Variants in ETNK2 observed in about 807,000 individuals in gnomAD.
The protein encoded by ETNK2 is ethanolamine kinase 2, also known as ethanolamine kinase-like protein.
ETNK2 carries 33 observed loss-of-function variants against 46.2 expected under a neutral mutation model. That is an observed-to-expected ratio of 0.71 (90% CI 0.54 to 0.96). ETNK2 has a LOEUF of 0.96. ETNK2 is among the 40% of genes least tolerant of loss of function. ETNK2 has a pLI of 0.00. For synonymous variants in ETNK2, 194 were observed against 209.0 expected, an observed-to-expected ratio of 0.93 and a Z score of 0.62; for missense variants, 445 against 509.7, an observed-to-expected ratio of 0.87 and a Z score of 1.22.
rs1260705242 is a variant in ETNK2 at position 204,146,629 on chromosome 1, C to CA, written c.641+12dup. ...ATATTAAGGCAGCCTTGGACCCTCC[C>CA]AGATCTTTGTACCTGGGGTTGATCT... On this transcript the variant is annotated intron_variant, in intron 3 of 7. Transcript: ENST00000367202. 6.2e-7 allele frequency: 1 copy of CA among 1,613,888 alleles called. No individual in the cohort carries two copies. Among genetic ancestry groups the CA allele is most frequent in the Non-Finnish European group, 8.5e-7 (1 of 1,179,828 alleles).
intron 6 of ETNK2, 44 bp from the exon 7 acceptor site, chr1:204,134,632 C>G: frequency 2.5e-6 from 4 of 1,613,996 alleles, no homozygotes; most frequent in Non-Finnish European, 3.4e-6. Flanking sequence ...TCTCCCCATG[C>G]CTGTTTCCGA....
chr1:204,141,098 T>TTATA, intron 4 of ETNK2: 2 of 668,554 alleles, frequency 3.0e-6, no homozygotes, highest in South Asian at 3.2e-5. Flanking sequence ...ACTGCTGGGA[T>TTATA]TATAGGCATG....
Position 204,151,915 on chromosome 1 carries a change from A to G in ETNK2, c.-63T>C, listed in dbSNP as rs1658025649. ...CTAGCCCCGGCGGGGGGGTCCGGCG[A>G]GGGAGTGGGAGTGGTAGAGGAGGGG... On this transcript the variant is annotated 5_prime_UTR_variant, in exon 1 of 8. Coordinates refer to ENST00000367202, the MANE Select transcript of ETNK2 (RefSeq NM_018208.4). The surrounding 1 kb of genome is among the most constrained non-coding windows in gnomAD (Gnocchi z 8.0). The G allele has an allele frequency of 4.3e-6, 6 of 1,397,672 alleles. No homozygotes were observed. Among genetic ancestry groups the G allele is most frequent in the Middle Eastern group, 2.3e-4 (1 of 4,298 alleles). The allele number at this position is 1,397,672 out of a possible 1,614,324, so 86.6% of individuals were successfully genotyped here.
At chr1:204,146,414 T>C (rs1657782301) in intron 3 of ETNK2, among the ~76,000 whole-genome samples, 1 of 152,100 alleles carries the variant, frequency 6.6e-6, no homozygotes, top group Non-Finnish European at 1.5e-5. Context: ...GAAGGAGAAA[T>C]GAGCACATGG....
chr1:204,143,537 C>G (rs1028156294), intron 3 of ETNK2, among the ~76,000 whole-genome samples: 1 of 152,100 alleles, frequency 6.6e-6, no homozygotes, highest in Non-Finnish European at 1.5e-5. Context: ...GCTGTGGGAT[C>G]GGCAGAAGAG....
In ETNK2 at chr1:204,149,719, C is replaced by T; in HGVS notation, c.502G>A (p.Glu168Lys). 1 of 1,592,480 alleles carries T rather than the reference C, an allele frequency of 6.3e-7. No individual in the cohort carries two copies. Among genetic ancestry groups the T allele is most frequent in the Admixed American group, 1.7e-5 (1 of 57,166 alleles). ...CCTCCTCACCTGAAAAGCCGGGGCT[C>T]ACGGATGTGCTCAGGCTCCAGGGCC... is the stretch of plus-strand genomic sequence containing the variant. ...GVALEPEHIR[E>K]PRLFRLIALE... is the part of the protein sequence containing the mutation. The change falls in exon 2 of 8, where the codon GAG (glutamate) becomes AAG (lysine). Residue 168 changes from glutamate to lysine, a missense_variant. By Grantham distance (56) the Glu-to-Lys change is moderately conservative (BLOSUM62 1). Coordinates refer to ENST00000367202, the MANE Select transcript of ETNK2 (RefSeq NM_018208.4).
chr1:204,141,079 G>A, intron 4 of ETNK2: 2 of 608,612 alleles, frequency 3.3e-6, no homozygotes, highest in Non-Finnish European at 6.1e-6. Context: ...ACATGCCTTG[G>A]CCTCCCAAAC....
At position 204,151,659 on chromosome 1, in the gene ETNK2, G is replaced by A. The variant is rs1413166062; in HGVS notation, c.194C>T (p.Pro65Leu). 6.5e-7 allele frequency: 1 copy of A among 1,549,210 alleles called. No homozygotes were observed. Among genetic ancestry groups the A allele is most frequent in the Non-Finnish European group, 8.7e-7 (1 of 1,146,356 alleles). ...CTCCTGGATGAGGCGCAGGGCCCCG[G>A]GAAGGATGTCGTCCGGGTCCACGGA... is the stretch of plus-strand genomic sequence containing the variant. ...GISVDPDDIL[P>L]GALRLIQELR... Residue 65 changes from proline (P) to leucine (L), a missense_variant, in exon 1 of 8, where the codon CCC (proline) becomes CTC (leucine). Transcript: ENST00000367202. The surrounding 1 kb of genome is among the most constrained non-coding windows in gnomAD (Gnocchi z 8.0).
intron 2 of ETNK2, chr1:204,147,356 G>A (rs542433851): frequency 1.6e-4 from 79 of 495,608 alleles, no homozygotes; most frequent in African/African-American, 7.2e-4. Context: ...ACAAGCCAGC[G>A]TTCTATTTTC....
chr1:204,145,728 C>A (rs2102298962), intron 3 of ETNK2, among the ~76,000 whole-genome samples: 1 of 152,286 alleles, frequency 6.6e-6, no homozygotes, highest in Admixed American at 6.5e-5. Flanking sequence ...GAAGACACAT[C>A]CTTCACCTCA....
Position 204,132,870 on chromosome 1 carries a change from A to G in ETNK2, c.1089-614T>C, listed in dbSNP as rs568644968. ...TATATTCACATTGCTGTGCAAATGA[A>G]TATCTACAACTTTTTCCTTTTGGAC... On this transcript the variant is annotated intron_variant, in intron 7 of 7. Transcript: ENST00000367202. Among the ~76,000 whole-genome samples the G allele has an allele frequency of 2.0e-5, 3 of 152,294 alleles. No individual in the cohort carries two copies. In the East Asian group the frequency reaches 5.8e-4, roughly 29 times the overall value.
intron 2 of ETNK2, among the ~76,000 whole-genome samples, chr1:204,149,051 C>G (rs1461537269): frequency 6.6e-6 from 1 of 152,170 alleles, no homozygotes; most frequent in Non-Finnish European, 1.5e-5. Flanking sequence ...GGTCCTCCCC[C>G]TTTCCAGGCT....
intron 4 of ETNK2, chr1:204,141,070 C>A: frequency 3.4e-6 from 2 of 582,214 alleles, no homozygotes; most frequent in African/African-American, 1.8e-5. Flanking sequence ...AAGCAATCCA[C>A]ATGCCTTGGC....
chr1:204,150,132 C>T (rs1657949776), intron 1 of ETNK2, among the ~76,000 whole-genome samples, 170 bp from the exon 2 acceptor site: 1 of 152,142 alleles, frequency 6.6e-6, no homozygotes, highest in Non-Finnish European at 1.5e-5. Flanking sequence ...CTGTCCCCAA[C>T]CTTGGGAGTC....
At chr1:204,133,334 G>T (rs1446537538) in intron 7 of ETNK2, among the ~76,000 whole-genome samples, 1 of 151,826 alleles carries the variant, frequency 6.6e-6, no homozygotes, top group East Asian at 1.9e-4. Flanking sequence ...CCACCCTACT[G>T]TTTTCCATAG....
chr1:204,137,330 C>T (rs899441733), intron 5 of ETNK2, 81 bp from the exon 6 acceptor site: 2 of 1,505,196 alleles, frequency 1.3e-6, no homozygotes, highest in Non-Finnish European at 8.9e-7. Context: ...GTGTTCCCAT[C>T]TCCCCTCAAA....
At chr1:204,143,427 TC>T (rs1657642025) in intron 3 of ETNK2, among the ~76,000 whole-genome samples, 1 of 139,182 alleles carries the variant, frequency 7.2e-6, no homozygotes, top group Non-Finnish European at 1.5e-5. Flanking sequence ...GCCTTCTATC[TC>T]CCCGGGGCCT....
intron 4 of ETNK2, chr1:204,141,084 C>T: frequency 1.6e-6 from 1 of 626,644 alleles, no homozygotes; most frequent in Non-Finnish European, 3.0e-6. Flanking sequence ...CCTTGGCCTC[C>T]CAAACTGCTG....
chr1:204,133,688 C>T (rs1295115046), intron 7 of ETNK2, among the ~76,000 whole-genome samples: 5 of 151,848 alleles, frequency 3.3e-5, no homozygotes, highest in East Asian at 1.9e-4. Flanking sequence ...CCCGCCACCA[C>T]GCCCGGCTAA....
Sources: gnomAD v4.1 joint callset for allele counts (sites outside exome capture counted in the v4.1 genomes callset) on GRCh38, gnomAD v4.1.1 for gene constraint, Gnocchi (gnomAD v3.1) non-coding constraint, MANE v1.5 for transcripts, NCBI Gene and HGNC (gene_info 2026-07-23, HGNC 2026-07-21) for gene names.